Variants in RASA2 observed in about 807,000 individuals in gnomAD.
The protein encoded by RASA2 is ras GTPase-activating protein 2.
In RASA2, 155 loss-of-function variants were observed where a neutral mutation model predicts 118.2. The observed-to-expected ratio is 1.31, with a 90% CI of 1.15 to 1.50. RASA2 has a LOEUF of 1.50. Ranked by LOEUF, RASA2 falls within the 40% of genes most tolerant of loss-of-function variation. The probability of loss-of-function intolerance (pLI) is 0.00; values close to 1 mark genes in which losing one functional copy is unlikely to be tolerated. For missense variants in RASA2, 1,016 were observed against 1,009.6 expected (o/e 1.01, Z -0.09); for synonymous variants, 353 against 349.1 (o/e 1.01, Z -0.12).
chr3:141,586,787 C>T (rs746320421), intron 19 of RASA2, 35 bp downstream of exon 19: 1 of 1,539,474 alleles, frequency 6.5e-7, no homozygotes, highest in South Asian at 1.1e-5. Context: ...GGGGTTTTTC[C>T]TGGTTCTCAG....
At chr3:141,498,565 CACAT>C (rs2081735021) in intron 1 of RASA2, among the ~76,000 whole-genome samples, 2 of 152,124 alleles carry the variant, frequency 1.3e-5, no homozygotes, top group African/African-American at 2.4e-5. Flanking sequence ...TATGTGTACA[CACAT>C]ACATACACAC....
intron 1 of RASA2, among the ~76,000 whole-genome samples, chr3:141,496,113 A>G (rs1277593207): frequency 1.3e-5 from 2 of 152,240 alleles, no homozygotes; most frequent in Non-Finnish European, 2.9e-5. Flanking sequence ...CTGGCTAGGC[A>G]TGTGTAGAAA....
intron 17 of RASA2, 122 bp from the exon 18 acceptor site, chr3:141,585,903 T>C: frequency 1.7e-6 from 1 of 604,216 alleles, no homozygotes; most frequent in South Asian, 3.1e-5. Flanking sequence ...TATAAATTAC[T>C]ATTATGTGTA....
intron 9 of RASA2, among the ~76,000 whole-genome samples, chr3:141,567,187 G>A (rs762221503): frequency 5.3e-5 from 8 of 152,054 alleles, no homozygotes; most frequent in East Asian, 3.8e-4. Context: ...AGGCTGAGGC[G>A]GGTAGATCAC....
At chr3:141,543,068 T>A (rs1332190655) in intron 5 of RASA2, among the ~76,000 whole-genome samples, 3 of 152,050 alleles carry the variant, frequency 2.0e-5, no homozygotes, top group African/African-American at 7.2e-5. Context: ...AATATGCCAT[T>A]TTTTGTTTGT....
At position 141,508,839 on chromosome 3, in the gene RASA2, C is replaced by T. The variant is rs530724216; in HGVS notation, c.134-3324C>T. Among the ~76,000 whole-genome samples, 15 of 150,790 alleles carry T rather than the reference C, an allele frequency of 9.9e-5. No individual in the cohort carries two copies. The East Asian group carries it at 2.3e-3, about 23-fold the overall frequency. On this transcript the variant is annotated intron_variant, in intron 1 of 23. Transcript: ENST00000286364. ...GATTTTTTTTTTTTTTGGTCCAAGGCGCATGCTCATTTATATACCAGAATT... is the reference window on the plus strand; with the variant it reads ...GATTTTTTTTTTTTTTGGTCCAAGGTGCATGCTCATTTATATACCAGAATT...
At chr3:141,489,953 TG>T (rs1559985090) in intron 1 of RASA2, among the ~76,000 whole-genome samples, 1 of 150,454 alleles carries the variant, frequency 6.6e-6, no homozygotes, top group African/African-American at 2.4e-5. Context: ...ACCCCTTTTT[TG>T]CTTGAGTGTA....
At chr3:141,500,597 A>ATAC (rs1553780483) in intron 1 of RASA2, among the ~76,000 whole-genome samples, 2 of 152,244 alleles carry the variant, frequency 1.3e-5, no homozygotes, top group Non-Finnish European at 2.9e-5. Flanking sequence ...ATGACTCGGT[A>ATAC]TACTGCCTGG....
At chr3:141,567,519 C>T (rs1223273855) in intron 9 of RASA2, among the ~76,000 whole-genome samples, 1 of 152,062 alleles carries the variant, frequency 6.6e-6, no homozygotes, top group Non-Finnish European at 1.5e-5. Flanking sequence ...ATTTAAAATG[C>T]ATTTTAATGT....
intron 4 of RASA2, among the ~76,000 whole-genome samples, chr3:141,532,325 A>G (rs574738873): frequency 6.6e-6 from 1 of 152,120 alleles, no homozygotes; most frequent in Non-Finnish European, 1.5e-5. Context: ...TAAAAAAAAT[A>G]GATTAGGAGT....
chr3:141,521,306 G>C (rs2082107876), intron 3 of RASA2, among the ~76,000 whole-genome samples: 1 of 152,156 alleles, frequency 6.6e-6, no homozygotes. Flanking sequence ...TCAGGAAGTA[G>C]AAAGAAAGAT....
At chr3:141,489,818 TGTCAGTTG>T (rs760529370) in intron 1 of RASA2, among the ~76,000 whole-genome samples, 143 of 152,328 alleles carry the variant, frequency 9.4e-4, no homozygotes, top group Non-Finnish European at 1.7e-3. Flanking sequence ...GTGAAATATC[TGTCAGTTG>T]GACAGATATT....
At chr3:141,560,122 T>A (rs1416038124) in intron 9 of RASA2, 127 bp downstream of exon 9, 2 of 647,412 alleles carry the variant, frequency 3.1e-6, no homozygotes, top group African/African-American at 3.7e-5. Context: ...GTCATTAATA[T>A]TGATATGTTC....
intron 4 of RASA2, 146 bp downstream of exon 4, chr3:141,529,948 G>C (rs945937544): frequency 5.0e-6 from 3 of 596,816 alleles, no homozygotes; most frequent in Non-Finnish European, 5.7e-6. Context: ...GGGTAATATA[G>C]GACAGGAAGG....
chr3:141,610,076 T>G lies in RASA2; in HGVS notation c.2519+10T>G, dbSNP rs295324. ...CAAAATATGGGAGCAAGTGAGTAAT[T>G]TTTAAGCTATTGTAAACATATTTTT... On this transcript the variant is annotated intron_variant, in intron 23 of 23. Transcript: ENST00000286364. The G allele has an allele frequency of 0.077, 119,885 of 1,554,594 alleles. 6,941 individuals carry two copies. The highest frequency in any genetic ancestry group is 0.27 in the East Asian group (11,279 of 42,434).
intron 19 of RASA2, among the ~76,000 whole-genome samples, chr3:141,605,838 T>C (rs2083540090): frequency 6.6e-6 from 1 of 151,872 alleles, no homozygotes; most frequent in Admixed American, 6.6e-5. Flanking sequence ...TTACTGCCAA[T>C]GATTATGAGG....
intron 9 of RASA2, among the ~76,000 whole-genome samples, chr3:141,563,526 T>C (rs1577742679): frequency 6.6e-6 from 1 of 152,198 alleles, no homozygotes; most frequent in African/African-American, 2.4e-5. Flanking sequence ...GTAATAGTTA[T>C]ACATCACATA....
chr3:141,597,182 C>T (rs924652109), intron 19 of RASA2, among the ~76,000 whole-genome samples: 39 of 152,170 alleles, frequency 2.6e-4, no homozygotes, highest in African/African-American at 9.4e-4. Context: ...AGGAGGATGA[C>T]TTGAGCTCAG....
At chr3:141,602,410 C>T (rs1015837877) in intron 19 of RASA2, among the ~76,000 whole-genome samples, 7 of 152,166 alleles carry the variant, frequency 4.6e-5, no homozygotes, top group Non-Finnish European at 8.8e-5. Flanking sequence ...CTCTTGTGAT[C>T]TCATGCCACC....
Sources: gnomAD v4.1 joint callset for allele counts (sites outside exome capture counted in the v4.1 genomes callset) on GRCh38, gnomAD v4.1.1 for gene constraint, MANE v1.5 for transcripts, NCBI Gene and HGNC (gene_info 2026-07-23, HGNC 2026-07-21) for gene names.